The following TMEM120B variants were observed in gnomAD, a reference collection of about 807,000 sequenced individuals.
TMEM120B encodes the protein transmembrane protein 120B.
A neutral mutation model predicts 55.5 loss-of-function variants in TMEM120B; 31 were observed. The ratio of observed to expected loss-of-function variants is 0.56; its 90% CI spans 0.42 to 0.75. The LOEUF is 0.75. Among genes scored for constraint, TMEM120B ranks in the 30% least tolerant of loss-of-function variants. The pLI is 0.00. For missense variants in TMEM120B, 399 were observed against 425.5 expected, an observed-to-expected ratio of 0.94 and a Z score of 0.55; for synonymous variants, 203 against 176.3, an observed-to-expected ratio of 1.15 and a Z score of -1.20.
chr12:121,769,849 G>C (rs1873977808), intron 6 of TMEM120B, among the ~76,000 whole-genome samples: 1 of 152,124 alleles, frequency 6.6e-6, no homozygotes, highest in South Asian at 2.1e-4. Context: ...GGTGACATAG[G>C]GGTGGGAGAG....
intron 1 of TMEM120B, among the ~76,000 whole-genome samples, chr12:121,722,824 G>C (rs925318272): frequency 4.7e-5 from 7 of 150,420 alleles, no homozygotes; most frequent in Admixed American, 3.4e-4. Flanking sequence ...TGTTTACAAA[G>C]GTGTGGGCAG....
intron 2 of TMEM120B, among the ~76,000 whole-genome samples, chr12:121,745,682 A>G (rs1485207822): frequency 6.6e-6 from 1 of 151,594 alleles, no homozygotes; most frequent in Non-Finnish European, 1.5e-5. Flanking sequence ...GTGAGCCACC[A>G]TGCCTGGCCT....
intron 1 of TMEM120B, among the ~76,000 whole-genome samples, chr12:121,726,774 G>T (rs1016371545): frequency 4.6e-5 from 7 of 151,540 alleles, no homozygotes; most frequent in Non-Finnish European, 1.0e-4. Flanking sequence ...AGGCATGGAG[G>T]TACGTGCCTG....
Position 121,776,292 on chromosome 12 carries a change from T to TG in TMEM120B, c.*575dup, listed in dbSNP as rs1241743260. 5.9e-6 allele frequency: 1 copy of TG among 170,344 alleles called. No individual in the cohort carries two copies. 10.6% of individuals were successfully genotyped at this position (170,344 alleles called of 1,614,324 possible). Reference sequence around the variant, plus strand: ...CGTGCTCTTCTTGCCCCTGGAGCGCTGGGGGCATCCTGAGTCAGGCTGTGA... The same window carrying TG: ...CGTGCTCTTCTTGCCCCTGGAGCGCTGGGGGGCATCCTGAGTCAGGCTGTGA... On this transcript the variant is annotated 3_prime_UTR_variant, in exon 12 of 12. Transcript: ENST00000449592.
intron 1 of TMEM120B, among the ~76,000 whole-genome samples, chr12:121,726,906 T>TAAAAA (rs1894905276): frequency 2.8e-5 from 1 of 35,338 alleles, no homozygotes; most frequent in African/African-American, 1.5e-4. Flanking sequence ...GGACTCTGTC[T>TAAAAA]CAAAAAAAAA....
intron 6 of TMEM120B, 68 bp from the exon 7 acceptor site, chr12:121,770,839 C>A: frequency 7.0e-7 from 1 of 1,435,512 alleles, no homozygotes; most frequent in Non-Finnish European, 9.8e-7. Context: ...ATAGGTGGGG[C>A]CTCAGCGAGA....
chr12:121,773,651 T>C lies in TMEM120B; in HGVS notation c.772+138T>C, dbSNP rs182182510. ...CTTTATCCGAAGCGCCTTCCAGAAT[T>C]CATCCTGGATTCTGTTTCAGCTGCC... On this transcript the variant is annotated intron_variant, in intron 9 of 11. Transcript: ENST00000449592. The C allele has an allele frequency of 9.6e-4, 598 of 623,180 alleles. 1 individual carries two copies. The highest frequency in any genetic ancestry group is 3.3e-3 in the Admixed American group (87 of 26,320). The allele number at this position is 623,180 out of a possible 1,614,324, so 38.6% of individuals were successfully genotyped here.
At chr12:121,773,898 A>G in intron 9 of TMEM120B, among the ~76,000 whole-genome samples, 1 of 150,848 alleles carries the variant, frequency 6.6e-6, no homozygotes, top group African/African-American at 2.4e-5. Context: ...AAAAGTGAGG[A>G]GACACCTCAT....
intron 2 of TMEM120B, among the ~76,000 whole-genome samples, chr12:121,745,954 G>T (rs1458838203): frequency 6.6e-6 from 1 of 151,692 alleles, no homozygotes; most frequent in Non-Finnish European, 1.5e-5. Flanking sequence ...TCTGCCTCCC[G>T]GGTTCAAGTG....
At chr12:121,748,589 A>C in intron 3 of TMEM120B, 147 bp downstream of exon 3, 1 of 571,748 alleles carries the variant, frequency 1.7e-6, no homozygotes, top group Non-Finnish European at 3.1e-6. Context: ...AGCCTTCCTT[A>C]CACATTCCTC....
chr12:121,746,190 CTTTTTTTTT>C (rs71079090), intron 2 of TMEM120B, among the ~76,000 whole-genome samples: 1 of 121,646 alleles, frequency 8.2e-6, no homozygotes, highest in Non-Finnish European at 1.7e-5. Flanking sequence ...CGCCCCCCCA[CTTTTTTTTT>C]TTTTTGAGAC....
At chr12:121,740,845 C>T (rs907677733) in intron 1 of TMEM120B, among the ~76,000 whole-genome samples, 2 of 152,026 alleles carry the variant, frequency 1.3e-5, no homozygotes, top group Admixed American at 6.6e-5. Flanking sequence ...AACTGACTCC[C>T]AAATGGTTTA....
chr12:121,754,327 AC>A (rs1262111114), intron 5 of TMEM120B, among the ~76,000 whole-genome samples: 3 of 152,138 alleles, frequency 2.0e-5, no homozygotes, highest in Non-Finnish European at 4.4e-5. Flanking sequence ...CCGAAGGCAA[AC>A]CCTTGCTGTC....
At chr12:121,753,336 G>A (rs1184460776) in intron 5 of TMEM120B, among the ~76,000 whole-genome samples, 2 of 152,174 alleles carry the variant, frequency 1.3e-5, no homozygotes, top group Non-Finnish European at 2.9e-5. Context: ...CTGCTACTGG[G>A]TACAAGGTTT....
At chr12:121,728,077 G>A (rs1455771960) in intron 1 of TMEM120B, among the ~76,000 whole-genome samples, 1 of 151,254 alleles carries the variant, frequency 6.6e-6, no homozygotes, top group Admixed American at 6.6e-5. Flanking sequence ...GTGTGATCTC[G>A]GTTCACTGCG....
Position 121,775,459 on chromosome 12 carries a change from C to A in TMEM120B, c.907-150C>A, listed in dbSNP as rs995422840. 2 of 1,443,054 alleles carry A rather than the reference C, an allele frequency of 1.4e-6. No homozygotes were observed. The highest frequency in any genetic ancestry group is 1.8e-6 in the Non-Finnish European group (2 of 1,103,532). The allele number at this position is 1,443,054 out of a possible 1,614,324, so 89.4% of individuals were successfully genotyped here. A position where few individuals can be genotyped will look rare whatever the true frequency, so the allele number is the denominator to read the frequency against. On this transcript the variant is annotated intron_variant, in intron 11 of 11. Coordinates refer to ENST00000449592, the MANE Select transcript of TMEM120B (RefSeq NM_001080825.2). This position sits in a 1 kb window ranked among gnomAD's most constrained non-coding sequence, Gnocchi z 4.3. The stretch of plus-strand genomic sequence containing the variant: ...TGCCCAAGCCTGAGGCCTCACCCTT[C>A]CCCCAGGTCTCCTGAATCTCTGCCT...
intron 5 of TMEM120B, among the ~76,000 whole-genome samples, chr12:121,759,143 T>G (rs995189750): frequency 7.3e-6 from 1 of 136,508 alleles, no homozygotes; most frequent in Non-Finnish European, 1.5e-5. Flanking sequence ...TTTTCTGAGG[T>G]GGAGTCTCGC....
At chr12:121,735,108 C>A (rs1439263201) in intron 1 of TMEM120B, among the ~76,000 whole-genome samples, 1 of 150,592 alleles carries the variant, frequency 6.6e-6, no homozygotes, top group Admixed American at 6.6e-5. Context: ...ATCACTTGAA[C>A]CCAGGAGGCA....
At chr12:121,746,929 G>C (rs1027379550) in intron 2 of TMEM120B, among the ~76,000 whole-genome samples, 1 of 151,562 alleles carries the variant, frequency 6.6e-6, no homozygotes, top group Non-Finnish European at 1.5e-5. Flanking sequence ...CTGCACTCCA[G>C]CCTGGGCGAC....
Sources: allele counts gnomAD v4.1 joint callset (sites outside exome capture counted in the v4.1 genomes callset), GRCh38; gene constraint gnomAD v4.1.1; non-coding constraint Gnocchi (gnomAD v3.1); transcripts MANE v1.5; gene names NCBI Gene and HGNC (gene_info 2026-07-23, HGNC 2026-07-21).